Variants in ARHGAP18 observed in about 807,000 individuals in gnomAD.
The protein encoded by ARHGAP18 is rho GTPase-activating protein 18.
A neutral mutation model predicts 86.2 loss-of-function variants in ARHGAP18; 67 were observed. The ratio of observed to expected loss-of-function variants is 0.78; its 90% CI spans 0.64 to 0.95. ARHGAP18 has a LOEUF of 0.95. ARHGAP18 is among the 40% of genes least tolerant of loss of function. The pLI, the probability that ARHGAP18 is intolerant of heterozygous loss-of-function variation, is 0.00. For missense variants in ARHGAP18, 691 were observed against 780.4 expected, an observed-to-expected ratio of 0.89 and a Z score of 1.37; for synonymous variants, 283 against 280.4, an observed-to-expected ratio of 1.01 and a Z score of -0.09.
At chr6:129,600,887 T>A in intron 10 of ARHGAP18, 39 bp from the exon 11 acceptor site, 2 of 1,553,324 alleles carry the variant, frequency 1.3e-6, no homozygotes, top group African/African-American at 1.4e-5. Context: ...GTGTCATATA[T>A]GAAGATAAAA....
intron 12 of ARHGAP18, among the ~76,000 whole-genome samples, chr6:129,591,690 A>G (rs1008716269): frequency 1.3e-5 from 2 of 152,188 alleles, no homozygotes; most frequent in African/African-American, 4.8e-5. Flanking sequence ...AGACCGGTAA[A>G]AGAGGTCTCT....
chr6:129,606,043 G>C (rs916798977), intron 9 of ARHGAP18, 84 bp from the exon 10 acceptor site: 2 of 1,317,848 alleles, frequency 1.5e-6, no homozygotes, highest in African/African-American at 2.9e-5. Flanking sequence ...TAAGAAAAAA[G>C]TTATTTGGCA....
chr6:129,700,707 A>G (rs186592246), intron 1 of ARHGAP18, among the ~76,000 whole-genome samples: 17 of 152,346 alleles, frequency 1.1e-4, no homozygotes, highest in Non-Finnish European at 2.5e-4. Flanking sequence ...AGTATGTTAC[A>G]TATGTTGACT....
chr6:129,624,684 C>T (rs1298789443), intron 5 of ARHGAP18, among the ~76,000 whole-genome samples: 3 of 151,688 alleles, frequency 2.0e-5, no homozygotes, highest in Non-Finnish European at 4.4e-5. Context: ...GTGGCTCATG[C>T]CTGTAATCCT....
chr6:129,619,884 A>G (rs1789191971), intron 5 of ARHGAP18, among the ~76,000 whole-genome samples: 1 of 151,848 alleles, frequency 6.6e-6, no homozygotes, highest in African/African-American at 2.4e-5. Flanking sequence ...TCACCTATCT[A>G]CTTACTAGTT....
intron 2 of ARHGAP18, among the ~76,000 whole-genome samples, chr6:129,641,384 T>C (rs961974108): frequency 6.6e-6 from 1 of 152,100 alleles, no homozygotes; most frequent in Non-Finnish European, 1.5e-5. Context: ...AGATTATAAA[T>C]CAATAAAACA....
chr6:129,633,598 C>A (rs1268008849), intron 4 of ARHGAP18, among the ~76,000 whole-genome samples: 1 of 152,052 alleles, frequency 6.6e-6, no homozygotes, highest in African/African-American at 2.4e-5. Context: ...TAAAAAATTA[C>A]CCCATATATG....
At chr6:129,651,297 AGGAAAC>A (rs1481334017) in intron 1 of ARHGAP18, among the ~76,000 whole-genome samples, 1 of 152,212 alleles carries the variant, frequency 6.6e-6, no homozygotes, top group Non-Finnish European at 1.5e-5. Flanking sequence ...GGTTTCCTAA[AGGAAAC>A]AGAAACATAC....
Position 129,607,774 on chromosome 6 carries a change from G to C in ARHGAP18, c.1282+119C>G, listed in dbSNP as rs558010263. 55 of 1,093,004 alleles carry C rather than the reference G, an allele frequency of 5.0e-5. No individual in the cohort carries two copies. In the East Asian group the frequency reaches 9.7e-4, roughly 19 times the overall value. 67.7% of individuals were successfully genotyped at this position (1,093,004 alleles called of 1,614,324 possible). On this transcript the variant is annotated intron_variant, in intron 9 of 14. Coordinates refer to ENST00000368149, the MANE Select transcript of ARHGAP18 (RefSeq NM_033515.3). The stretch of plus-strand genomic sequence containing the variant: ...AGCTGAGCACCCACTGACATCAGTT[G>C]AGTCAATATGTCCACCCAAATACGT...
chr6:129,621,109 C>G (rs1789219962), intron 5 of ARHGAP18, among the ~76,000 whole-genome samples: 1 of 151,960 alleles, frequency 6.6e-6, no homozygotes, highest in African/African-American at 2.4e-5. Context: ...AATATTTTTT[C>G]AATTTCTCAA....
chr6:129,678,792 C>G (rs977629762), intron 1 of ARHGAP18, among the ~76,000 whole-genome samples: 3 of 151,978 alleles, frequency 2.0e-5, no homozygotes, highest in African/African-American at 7.3e-5. Context: ...ATTCATTAAC[C>G]CATTGTAAAA....
In ARHGAP18 at chr6:129,618,677, T is replaced by A. The variant is rs753932915; in HGVS notation, c.952+10A>T. ...GAAATAAATCCAAGGGTTTATCATT[T>A]CATGATTACCTTTTGTTTTGATTTT... On this transcript the variant is annotated intron_variant, in intron 6 of 14. Transcript: ENST00000368149. 1 of 1,595,708 alleles carries A rather than the reference T, an allele frequency of 6.3e-7. No individual in the cohort carries two copies. Among genetic ancestry groups the A allele is most frequent in the Admixed American group, 1.7e-5 (1 of 58,124 alleles).
intron 6 of ARHGAP18, among the ~76,000 whole-genome samples, chr6:129,617,957 A>C (rs768064122): frequency 6.6e-6 from 1 of 152,326 alleles, no homozygotes; most frequent in Non-Finnish European, 1.5e-5. Flanking sequence ...GAGGACAAAG[A>C]TTCCTAAGGT....
At position 129,582,529 on chromosome 6, in the gene ARHGAP18, T is replaced by C. The variant is rs141628644; in HGVS notation, c.1838+1459A>G. Among the ~76,000 whole-genome samples, 27 of 152,312 alleles carry C rather than the reference T, an allele frequency of 1.8e-4. No homozygotes were observed. The East Asian group carries it at 5.2e-3, about 29-fold the overall frequency. On this transcript the variant is annotated intron_variant, in intron 13 of 14. Coordinates refer to ENST00000368149, the MANE Select transcript of ARHGAP18 (RefSeq NM_033515.3). ...TGGTGGGAAGAATGGCAAAAGTTAG[T>C]ATCTACTAAGTCAAGGTAGGGAGCA...
At chr6:129,581,120 C>A (rs1788277877) in intron 13 of ARHGAP18, among the ~76,000 whole-genome samples, 1 of 152,190 alleles carries the variant, frequency 6.6e-6, no homozygotes, top group Admixed American at 6.5e-5. Flanking sequence ...GTTAGTGGAC[C>A]ACTAAGATAA....
At chr6:129,597,097 T>G (rs1788628188) in intron 12 of ARHGAP18, among the ~76,000 whole-genome samples, 1 of 152,092 alleles carries the variant, frequency 6.6e-6, no homozygotes, top group Admixed American at 6.6e-5. Flanking sequence ...CTATTTACTC[T>G]CCCTAATAAA....
chr6:129,686,880 T>A (rs935284046), intron 1 of ARHGAP18, among the ~76,000 whole-genome samples: 14 of 139,462 alleles, frequency 1.0e-4, no homozygotes, highest in Admixed American at 9.4e-4. Flanking sequence ...AACCTCCACC[T>A]CCTAGGTTCA....
At chr6:129,583,961 C>A (rs2114427930) in intron 13 of ARHGAP18, 27 bp downstream of exon 13, 3 of 1,607,326 alleles carry the variant, frequency 1.9e-6, no homozygotes, top group Non-Finnish European at 2.6e-6. Flanking sequence ...TATGCCATGG[C>A]ATAATTAACA....
chr6:129,617,748 T>A (rs1789126018), intron 6 of ARHGAP18, among the ~76,000 whole-genome samples: 1 of 152,118 alleles, frequency 6.6e-6, no homozygotes, highest in African/African-American at 2.4e-5. Context: ...GCTAAAATAC[T>A]CAAAGGAACT....
Sources: allele counts gnomAD v4.1 joint callset (sites outside exome capture counted in the v4.1 genomes callset), GRCh38; gene constraint gnomAD v4.1.1; transcripts MANE v1.5; gene names NCBI Gene and HGNC (gene_info 2026-07-23, HGNC 2026-07-21).